Variants in CTNNA3 observed in about 807,000 individuals in gnomAD.
CTNNA3 encodes catenin alpha-3.
CTNNA3 carries 76 observed loss-of-function variants against 95.7 expected under a neutral mutation model. That is an observed-to-expected ratio of 0.79 (90% CI 0.66 to 0.96). CTNNA3 has a LOEUF of 0.96. Ranked by LOEUF, CTNNA3 falls within the 40% of genes least tolerant of loss-of-function variation. The probability of loss-of-function intolerance (pLI) is 0.00; values close to 1 mark genes in which losing one functional copy is unlikely to be tolerated. For synonymous variants in CTNNA3, 431 were observed against 374.4 expected (o/e 1.15, Z -1.74); for missense variants, 1,191 against 1,089.8 (o/e 1.09, Z -1.31).
intron 12 of CTNNA3, among the ~76,000 whole-genome samples, chr10:66,301,827 T>C (rs2091867360): frequency 1.3e-5 from 2 of 152,004 alleles, no homozygotes; most frequent in Non-Finnish European, 2.9e-5. Flanking sequence ...ATGTCCACTC[T>C]CACCACTAGT....
At chr10:66,003,868 AC>A (rs1173676479) in intron 15 of CTNNA3, among the ~76,000 whole-genome samples, 1 of 152,190 alleles carries the variant, frequency 6.6e-6, no homozygotes, top group Non-Finnish European at 1.5e-5. Context: ...AGAACTGCAC[AC>A]CTTTTGCACT....
intron 7 of CTNNA3, among the ~76,000 whole-genome samples, chr10:67,155,589 TTATGTA>T (rs1208812641): frequency 5.3e-5 from 8 of 151,960 alleles, no homozygotes; most frequent in Non-Finnish European, 1.2e-4. Flanking sequence ...AATAATCCTA[TTATGTA>T]CATTGGGATA....
intron 13 of CTNNA3, among the ~76,000 whole-genome samples, chr10:66,259,848 T>C (rs2090932680): frequency 6.6e-6 from 1 of 152,186 alleles, no homozygotes; most frequent in Admixed American, 6.6e-5. Context: ...TTCTAACCCA[T>C]GTTGACTCCA....
chr10:67,314,779 G>C (rs1471880977), intron 5 of CTNNA3, among the ~76,000 whole-genome samples: 2 of 152,110 alleles, frequency 1.3e-5, no homozygotes, highest in Non-Finnish European at 2.9e-5. Context: ...TGTTAGAGTT[G>C]ACTATCATTT....
At chr10:66,673,588 C>T (rs951643077) in intron 9 of CTNNA3, among the ~76,000 whole-genome samples, 2 of 151,928 alleles carry the variant, frequency 1.3e-5, no homozygotes, top group Non-Finnish European at 2.9e-5. Context: ...AATATCTTTA[C>T]TGGTGGAAAA....
chr10:66,379,312 G>T lies in CTNNA3; in HGVS notation c.1572C>A (p.Ala524=). ...AATTATCAGCATCCTGGTCTCTTAA[G>T]GCTATGATACACTTGTTGACATCTT... is the stretch of plus-strand genomic sequence containing the variant. ...ILEDVNKCII[A]LRDQDADNLD... is the part of the protein sequence containing the mutation. Residue 524 remains alanine (A), a synonymous_variant, in exon 12 of 18, where the codon GCC becomes GCA. Transcript: ENST00000433211. 1.2e-6 allele frequency: 2 copies of T among 1,614,086 alleles called. No homozygotes were observed. The highest frequency in any genetic ancestry group is 1.7e-6 in the Non-Finnish European group (2 of 1,179,984).
chr10:66,214,798 A>G (rs2088408160), intron 13 of CTNNA3, among the ~76,000 whole-genome samples: 1 of 152,142 alleles, frequency 6.6e-6, no homozygotes, highest in Admixed American at 6.6e-5. Context: ...TAAGTAAAAA[A>G]GAAGTGATGG....
At chr10:67,540,668 A>G (rs1026824327) in intron 3 of CTNNA3, among the ~76,000 whole-genome samples, 1 of 151,936 alleles carries the variant, frequency 6.6e-6, no homozygotes, top group African/African-American at 2.4e-5. Flanking sequence ...ATATATACAA[A>G]TATGTTTTAT....
At chr10:66,532,965 G>A (rs1051916178) in intron 10 of CTNNA3, among the ~76,000 whole-genome samples, 1 of 151,650 alleles carries the variant, frequency 6.6e-6, no homozygotes, top group Non-Finnish European at 1.5e-5. Context: ...AAGATACTAT[G>A]TCCACTGCCA....
chr10:67,003,340 C>A (rs1851788591), intron 7 of CTNNA3, among the ~76,000 whole-genome samples: 2 of 152,136 alleles, frequency 1.3e-5, no homozygotes, highest in South Asian at 4.1e-4. Flanking sequence ...TGAACTATTC[C>A]TGGCATAAAA....
intron 1 of CTNNA3, among the ~76,000 whole-genome samples, chr10:67,762,134 G>A (rs1841464606): frequency 6.6e-6 from 1 of 150,404 alleles, no homozygotes; most frequent in Non-Finnish European, 1.5e-5. Context: ...TGGGGGCGGG[G>A]GGAATCAACA....
At chr10:67,405,414 G>T (rs542008114) in intron 5 of CTNNA3, among the ~76,000 whole-genome samples, 2 of 152,112 alleles carry the variant, frequency 1.3e-5, no homozygotes, top group African/African-American at 4.8e-5. Context: ...AACAAAAAAA[G>T]ACTTTAAACC....
intron 6 of CTNNA3, among the ~76,000 whole-genome samples, chr10:67,213,891 A>T (rs931753029): frequency 2.6e-5 from 4 of 151,804 alleles, no homozygotes; most frequent in Non-Finnish European, 5.9e-5. Flanking sequence ...TGGTGAATTT[A>T]TCCTATCAGT....
intron 9 of CTNNA3, among the ~76,000 whole-genome samples, chr10:66,721,431 A>G (rs1848625003): frequency 6.6e-6 from 1 of 152,240 alleles, no homozygotes; most frequent in Non-Finnish European, 1.5e-5. Flanking sequence ...TATTATTTAT[A>G]AATAAAGAAA....
chr10:66,972,613 T>A (rs1444498909), intron 7 of CTNNA3, among the ~76,000 whole-genome samples: 1 of 152,014 alleles, frequency 6.6e-6, no homozygotes, highest in African/African-American at 2.4e-5. Flanking sequence ...TTTCATAAAG[T>A]GCTTTTTCTA....
intron 15 of CTNNA3, among the ~76,000 whole-genome samples, chr10:66,043,978 GTGTGTGTGTGTGTGTGTT>G (rs1476902613): frequency 8.8e-5 from 13 of 147,640 alleles, no homozygotes; most frequent in Non-Finnish European, 4.6e-5. Flanking sequence ...GTGTGTGTGT[GTGTGTGTGTGTGTGTGTT>G]TGTGTGTGTC....
intron 13 of CTNNA3, among the ~76,000 whole-genome samples, chr10:66,145,561 G>T (rs1230328309): frequency 1.3e-5 from 2 of 152,072 alleles, no homozygotes; most frequent in East Asian, 1.9e-4. Flanking sequence ...GTAAAAATAG[G>T]TCCTTCTTGG....
intron 9 of CTNNA3, among the ~76,000 whole-genome samples, chr10:66,732,448 G>T (rs963434524): frequency 7.9e-5 from 12 of 152,118 alleles, no homozygotes; most frequent in Non-Finnish European, 1.6e-4. Context: ...CTCGAGACTG[G>T]TTCATTTATA....
chr10:66,555,558 C>T (rs1842364863), intron 10 of CTNNA3, among the ~76,000 whole-genome samples: 1 of 152,074 alleles, frequency 6.6e-6, no homozygotes, highest in Non-Finnish European at 1.5e-5. Context: ...GACTGGACTA[C>T]CTCCTGATTT....
Sources: allele counts gnomAD v4.1 joint callset (sites outside exome capture counted in the v4.1 genomes callset), GRCh38; gene constraint gnomAD v4.1.1; transcripts MANE v1.5; gene names NCBI Gene and HGNC (gene_info 2026-07-23, HGNC 2026-07-21).